MACF1: variants seen among roughly 807,000 people sequenced by gnomAD.
MACF1 encodes the protein microtubule-actin cross-linking factor 1.
A neutral mutation model predicts 854.8 loss-of-function variants in MACF1; 193 were observed. The ratio of observed to expected loss-of-function variants is 0.23; its 90% CI spans 0.20 to 0.25. MACF1 has a LOEUF of 0.25. MACF1 is among the 10% of genes least tolerant of loss of function. The pLI, the probability that MACF1 is intolerant of heterozygous loss-of-function variation, is 1.00. For missense variants in MACF1, 7,722 were observed against 8,929.1 expected (o/e 0.86, Z 5.45); for synonymous variants, 3,185 against 3,226.7 (o/e 0.99, Z 0.44).
chr1:39,285,889 C>A, intron 14 of MACF1, 131 bp downstream of exon 14: 1 of 949,294 alleles, frequency 1.1e-6, no homozygotes, highest in Non-Finnish European at 1.6e-6. Context: ...AATGGGGATA[C>A]TACAGGTCTC....
At chr1:39,277,967 G>A (rs558733351) in intron 6 of MACF1, among the ~76,000 whole-genome samples, 29 of 152,206 alleles carry the variant, frequency 1.9e-4, no homozygotes, top group African/African-American at 7.0e-4. Context: ...AATACTTATT[G>A]AATTATTAGG....
At position 39,300,574 on chromosome 1, in the gene MACF1, G is replaced by A. The variant is rs575821479; in HGVS notation, c.2634+212G>A. 2.6e-5 allele frequency among the ~76,000 whole-genome samples: 4 copies of A among 151,722 alleles called. No individual in the cohort carries two copies. In the South Asian group the frequency reaches 6.3e-4, roughly 24 times the overall value. Reference sequence around the variant, plus strand: ...GACCTGCTCCCTGCCTCAGTGATTGGCATCATTATCTACTCAGTTGCCTAA... The same window carrying A: ...GACCTGCTCCCTGCCTCAGTGATTGACATCATTATCTACTCAGTTGCCTAA... On this transcript the variant is annotated intron_variant, in intron 22 of 100. Coordinates refer to ENST00000564288, the MANE Select transcript of MACF1 (RefSeq NM_001394062.1).
chr1:39,440,963 G>C (rs202120211), intron 72 of MACF1, 40 bp from the exon 73 acceptor site: 1 of 1,612,542 alleles, frequency 6.2e-7, no homozygotes, highest in Non-Finnish European at 8.5e-7. Flanking sequence ...GTTCTGTTCT[G>C]TTTTCTATTT....
At chr1:39,097,623 G>C (rs970368240) in intron 2 of MACF1, among the ~76,000 whole-genome samples, 4 of 152,244 alleles carry the variant, frequency 2.6e-5, no homozygotes, top group Non-Finnish European at 5.9e-5. Flanking sequence ...CTGGGGGACT[G>C]AGGCTAGAGG....
intron 58 of MACF1, among the ~76,000 whole-genome samples, chr1:39,389,561 T>C (rs996188028): frequency 2.6e-5 from 4 of 151,878 alleles, no homozygotes; most frequent in East Asian, 1.9e-4. Flanking sequence ...GGTTTCACCA[T>C]ATTGGCCAGG....
intron 2 of MACF1, among the ~76,000 whole-genome samples, chr1:39,179,188 T>C (rs1004019473): frequency 2.6e-5 from 4 of 152,202 alleles, no homozygotes; most frequent in Admixed American, 6.5e-5. Flanking sequence ...CACACACTTA[T>C]TTTCTGATGT....
intron 22 of MACF1, among the ~76,000 whole-genome samples, chr1:39,301,525 A>T (rs964478127): frequency 6.6e-6 from 1 of 151,880 alleles, no homozygotes; most frequent in African/African-American, 2.4e-5. Context: ...CCCTGGGTTC[A>T]AGTGATTATC....
At chr1:39,156,682 A>G (rs1643694220) in intron 2 of MACF1, among the ~76,000 whole-genome samples, 1 of 152,156 alleles carries the variant, frequency 6.6e-6, no homozygotes, top group Middle Eastern at 3.2e-3. Context: ...CAAAGTTGAG[A>G]TAGACTCTGA....
At chr1:39,208,197 C>T (rs563531874) in intron 1 of MACF1, among the ~76,000 whole-genome samples, 1 of 148,272 alleles carries the variant, frequency 6.7e-6, no homozygotes, top group South Asian at 2.1e-4. Flanking sequence ...CTACTCCGTT[C>T]CTGTTTCACT....
chr1:39,243,542 T>C (rs1644948398), intron 2 of MACF1, among the ~76,000 whole-genome samples: 1 of 152,026 alleles, frequency 6.6e-6, no homozygotes, highest in African/African-American at 2.4e-5. Context: ...GCTGGGATTG[T>C]AGGCATGCAC....
chr1:39,212,126 C>T (rs1644523972), intron 1 of MACF1, among the ~76,000 whole-genome samples: 3 of 152,110 alleles, frequency 2.0e-5, no homozygotes, highest in South Asian at 4.2e-4. Flanking sequence ...GCCTGAACCT[C>T]TTCCCTCCAC....
chr1:39,314,565 TCTCTCACACACA>T (rs1379088338), intron 26 of MACF1, among the ~76,000 whole-genome samples: 4 of 51,648 alleles, frequency 7.7e-5, no homozygotes, highest in Admixed American at 6.6e-4. Flanking sequence ...TCTCTCTCTC[TCTCTCACACACA>T]CACACACACA....
At position 39,387,931 on chromosome 1, in the gene MACF1, A is replaced by G; in HGVS notation, c.15089A>G (p.Lys5030Arg). 1 of 1,614,024 alleles carries G rather than the reference A, an allele frequency of 6.2e-7. No individual in the cohort carries two copies. The highest frequency in any genetic ancestry group is 8.5e-7 in the Non-Finnish European group (1 of 1,180,026). The change falls in exon 58 of 101, where the codon AAA becomes AGA. Residue 5030 changes from lysine to arginine, a missense_variant. Physicochemically the swap from Lys to Arg is conservative, Grantham distance 26. Transcript: ENST00000564288. The part of the protein sequence containing the change: ...KNIEKKVEGA[K>R]HQLEIFDALG... Reference sequence around the variant, plus strand: ...ATTGAAAAGAAGGTTGAAGGAGCCAAACACCAACTTGAGATCTTTGATGCT... The same window carrying G: ...ATTGAAAAGAAGGTTGAAGGAGCCAGACACCAACTTGAGATCTTTGATGCT...
At chr1:39,287,217 G>T (rs1273637866) in intron 14 of MACF1, 69 bp from the exon 15 acceptor site, 1 of 1,475,716 alleles carries the variant, frequency 6.8e-7, no homozygotes, top group African/African-American at 1.4e-5. Flanking sequence ...AATGGATAAG[G>T]AAGATTTTAT....
chr1:39,449,027 A>G (rs1415988985), intron 84 of MACF1, among the ~76,000 whole-genome samples: 7 of 152,214 alleles, frequency 4.6e-5, no homozygotes, highest in Non-Finnish European at 1.0e-4. Context: ...GTATTTGTAA[A>G]TCATCAATTT....
At chr1:39,118,977 G>A (rs946197780) in intron 2 of MACF1, among the ~76,000 whole-genome samples, 4 of 152,064 alleles carry the variant, frequency 2.6e-5, no homozygotes, top group Non-Finnish European at 4.4e-5. Flanking sequence ...ATAAATAAAA[G>A]TTCTAGAAAT....
chr1:39,372,635 G>A (rs1180500106), intron 52 of MACF1, 39 bp downstream of exon 52: 1 of 1,422,364 alleles, frequency 7.0e-7, no homozygotes, highest in African/African-American at 1.4e-5. Flanking sequence ...AATAAAAATT[G>A]CTCTTTGCTT....
chr1:39,315,364 C>T (rs1161592152), intron 26 of MACF1, 149 bp from the exon 27 acceptor site: 4 of 612,472 alleles, frequency 6.5e-6, no homozygotes, highest in Non-Finnish European at 1.1e-5. Context: ...AATTCTCCAT[C>T]GTATGTCTGC....
At chr1:39,153,388 GCTT>G (rs1643622226) in intron 2 of MACF1, among the ~76,000 whole-genome samples, 1 of 152,162 alleles carries the variant, frequency 6.6e-6, no homozygotes. Context: ...GTTGCTCAGT[GCTT>G]CTTACCTCAT....
Sources: allele counts gnomAD v4.1 joint callset (sites outside exome capture counted in the v4.1 genomes callset), GRCh38; gene constraint gnomAD v4.1.1; transcripts MANE v1.5; gene names NCBI Gene and HGNC (gene_info 2026-07-23, HGNC 2026-07-21).